PPFIBP2: variants seen among roughly 807,000 people sequenced by gnomAD.
PPFIBP2 encodes liprin-beta-2.
Under a neutral mutation model 118.3 loss-of-function variants are expected in PPFIBP2, and 118 were observed. The ratio of observed to expected loss-of-function variants is 1.00; its 90% CI spans 0.86 to 1.16. The LOEUF (loss-of-function observed/expected upper bound fraction) is 1.16. PPFIBP2 is among the 50% of genes most tolerant of loss of function. The pLI is 0.00. For missense variants in PPFIBP2, 1,195 were observed against 1,073.1 expected (o/e 1.11, Z -1.59); for synonymous variants, 414 against 397.4 (o/e 1.04, Z -0.50).
At chr11:7,591,982 G>A (rs1859394483) in intron 3 of PPFIBP2, among the ~76,000 whole-genome samples, 1 of 152,282 alleles carries the variant, frequency 6.6e-6, no homozygotes, top group East Asian at 1.9e-4. Context: ...GTGGGGAAAT[G>A]GCCTAGGACA....
intron 14 of PPFIBP2, among the ~76,000 whole-genome samples, chr11:7,636,388 T>G (rs1851455455): frequency 6.6e-6 from 1 of 151,098 alleles, no homozygotes; most frequent in South Asian, 2.1e-4. Context: ...CTTCCATATT[T>G]GTAGCAGTTG....
chr11:7,611,899 T>C (rs894032617), intron 6 of PPFIBP2, among the ~76,000 whole-genome samples: 10 of 152,228 alleles, frequency 6.6e-5, no homozygotes, highest in African/African-American at 1.7e-4. Flanking sequence ...TTGAATTAAA[T>C]GTTGAGGGAG....
the PPFIBP2 span, among the ~76,000 whole-genome samples, chr11:7,663,918 C>A: frequency 2.6e-5 from 4 of 152,156 alleles, no homozygotes; most frequent in African/African-American, 4.8e-5. Context: ...TTTCCAGGTG[C>A]GTCCGTCACC....
intron 3 of PPFIBP2, among the ~76,000 whole-genome samples, chr11:7,575,189 C>CA (rs1480668227): frequency 6.6e-6 from 1 of 152,048 alleles, no homozygotes; most frequent in African/African-American, 2.4e-5. Context: ...TTCTTTCATC[C>CA]AAAAAATGTT....
intron 3 of PPFIBP2, among the ~76,000 whole-genome samples, chr11:7,585,349 C>T (rs146987632): frequency 3.7e-4 from 57 of 152,302 alleles, no homozygotes; most frequent in African/African-American, 1.2e-3. Flanking sequence ...ACTGGGGAGC[C>T]GACTGTTTTA....
intron 1 of PPFIBP2, among the ~76,000 whole-genome samples, chr11:7,522,182 AT>A (rs1849813914): frequency 6.6e-6 from 1 of 152,166 alleles, no homozygotes; most frequent in Non-Finnish European, 1.5e-5. Context: ...GGCAGTAGGA[AT>A]AGAGAGAAGG....
At chr11:7,576,113 G>A (rs1057395349) in intron 3 of PPFIBP2, among the ~76,000 whole-genome samples, 1 of 152,232 alleles carries the variant, frequency 6.6e-6, no homozygotes, top group Non-Finnish European at 1.5e-5. Context: ...ATGCTGAGGG[G>A]CATGCGGCAT....
chr11:7,526,728 C>T (rs931605166), intron 1 of PPFIBP2, among the ~76,000 whole-genome samples: 13 of 152,036 alleles, frequency 8.6e-5, no homozygotes, highest in African/African-American at 2.9e-4. Context: ...AAAATTAGCC[C>T]GGCGTGACTA....
At chr11:7,661,113 A>G (rs895229679), downstream of PPFIBP2, among the ~76,000 whole-genome samples, 3 of 151,508 alleles carry the variant, frequency 2.0e-5, no homozygotes, top group Non-Finnish European at 4.4e-5. Flanking sequence ...TGGATTCATT[A>G]ATTTTTTGAA....
At chr11:7,640,366 G>A (rs1439333738) in intron 15 of PPFIBP2, among the ~76,000 whole-genome samples, 1 of 152,214 alleles carries the variant, frequency 6.6e-6, no homozygotes, top group Non-Finnish European at 1.5e-5. Flanking sequence ...AATGAAGTCA[G>A]TGGCCAATGG....
intron 21 of PPFIBP2, among the ~76,000 whole-genome samples, chr11:7,650,377 C>T (rs1396259680): frequency 2.6e-5 from 4 of 152,114 alleles, no homozygotes; most frequent in Non-Finnish European, 4.4e-5. Context: ...TCAGGCACAG[C>T]GCTGTGCATT....
At position 7,651,802 on chromosome 11, in the gene PPFIBP2, C is replaced by G; in HGVS notation, c.2394C>G (p.Ala798=). Residue 798 remains alanine (A), a synonymous_variant, in exon 23 of 24, where the codon GCC becomes GCG. Coordinates refer to ENST00000299492, the MANE Select transcript of PPFIBP2 (RefSeq NM_003621.5). The part of the protein sequence containing the change: ...EAEQEKREKM[A]SPAYTPLTTT... ...AACAGGAGAAGCGAGAGAAAATGGCCTCACCAGCTTACACACCACTGACCA... is the reference window on the plus strand; with the variant it reads ...AACAGGAGAAGCGAGAGAAAATGGCGTCACCAGCTTACACACCACTGACCA... The G allele has an allele frequency of 6.2e-7, 1 of 1,613,868 alleles. No homozygotes were observed. Among genetic ancestry groups the G allele is most frequent in the Non-Finnish European group, 8.5e-7 (1 of 1,179,792 alleles).
downstream of PPFIBP2, among the ~76,000 whole-genome samples, chr11:7,661,006 T>A (rs1305454525): frequency 6.6e-6 from 1 of 151,890 alleles, no homozygotes; most frequent in African/African-American, 2.4e-5. Flanking sequence ...CCCTGTATCA[T>A]TTTTTATTGT....
At chr11:7,665,182 AGG>A in the PPFIBP2 span, 5 of 478,940 alleles carry the variant, frequency 1.0e-5, no homozygotes, top group South Asian at 2.1e-4. Flanking sequence ...CCAAGCAAGG[AGG>A]CCCCAGCAGC....
At chr11:7,591,530 A>G (rs1197907218) in intron 3 of PPFIBP2, among the ~76,000 whole-genome samples, 1 of 147,310 alleles carries the variant, frequency 6.8e-6, no homozygotes, top group Non-Finnish European at 1.5e-5. Flanking sequence ...TTCTAGTCAG[A>G]GAATTTGATC....
chr11:7,619,616 G>A (rs1429718020), intron 6 of PPFIBP2, among the ~76,000 whole-genome samples: 1 of 152,242 alleles, frequency 6.6e-6, no homozygotes, highest in African/African-American at 2.4e-5. Flanking sequence ...CAGGCTGTCA[G>A]TGCTAATTGC....
chr11:7,555,846 T>C (rs1853555558), intron 2 of PPFIBP2, among the ~76,000 whole-genome samples: 1 of 152,214 alleles, frequency 6.6e-6, no homozygotes, highest in Admixed American at 6.5e-5. Context: ...TCCTTAAATA[T>C]TTACTATAGT....
At chr11:7,530,971 G>A (rs1850628002) in intron 1 of PPFIBP2, among the ~76,000 whole-genome samples, 1 of 152,184 alleles carries the variant, frequency 6.6e-6, no homozygotes, top group African/African-American at 2.4e-5. Flanking sequence ...TTTATGGAAA[G>A]GAAGAGCTGA....
At chr11:7,598,349 C>A (rs1034921012) in intron 5 of PPFIBP2, 2 of 210,036 alleles carry the variant, frequency 9.5e-6, no homozygotes, top group Non-Finnish European at 2.0e-5. Context: ...AATAGATTTT[C>A]TTAGTAAAAG....
Sources: gnomAD v4.1 joint callset for allele counts (sites outside exome capture counted in the v4.1 genomes callset) on GRCh38, gnomAD v4.1.1 for gene constraint, MANE v1.5 for transcripts, NCBI Gene and HGNC (gene_info 2026-07-23, HGNC 2026-07-21) for gene names.